PPIP5K1: variants seen among roughly 807,000 people sequenced by gnomAD.
PPIP5K1 encodes inositol hexakisphosphate and diphosphoinositol-pentakisphosphate kinase 1.
A neutral mutation model predicts 27.7 loss-of-function variants in PPIP5K1; 6 were observed. The observed-to-expected ratio is 0.22, with a 90% confidence interval of 0.12 to 0.43. The LOEUF (loss-of-function observed/expected upper bound fraction) is 0.43, where lower values mean the gene tolerates loss of function less well. Ranked by LOEUF, PPIP5K1 falls within the 20% of genes least tolerant of loss-of-function variation. The pLI, the probability that PPIP5K1 is intolerant of heterozygous loss-of-function variation, is 1.00. For missense variants in PPIP5K1, 394 were observed against 635.4 expected, an observed-to-expected ratio of 0.62 and a Z score of 4.08; for synonymous variants, 145 against 242.6, an observed-to-expected ratio of 0.60 and a Z score of 3.74.
At chr15:43,545,172 C>T (rs564966855) in intron 30 of PPIP5K1, among the ~76,000 whole-genome samples, 7 of 148,696 alleles carry the variant, frequency 4.7e-5, no homozygotes, top group Non-Finnish European at 7.4e-5. Context: ...AGCAAGAGTC[C>T]GTCTCATAAA....
chr15:43,545,979 T>A (rs142648810), intron 30 of PPIP5K1, among the ~76,000 whole-genome samples: 1 of 152,022 alleles, frequency 6.6e-6, no homozygotes, highest in African/African-American at 2.4e-5. Flanking sequence ...TTTATTCCTT[T>A]ACTTTCTTAA....
intron 30 of PPIP5K1, among the ~76,000 whole-genome samples, chr15:43,553,343 T>C (rs2082478103): frequency 2.6e-5 from 4 of 151,530 alleles, no homozygotes; most frequent in South Asian, 4.2e-4. Context: ...TCTTCTTCTT[T>C]TTTTTTTTTT....
At position 43,580,600 on chromosome 15, in the gene PPIP5K1, T is replaced by A. The variant is rs536382073; in HGVS notation, c.1061+402A>T. 1.6e-3 allele frequency among the ~76,000 whole-genome samples: 202 copies of A among 124,050 alleles called. 8 individuals carry two copies. Among genetic ancestry groups the A allele is most frequent in the Admixed American group, 3.6e-3 (47 of 12,880 alleles). 81.4% of individuals were successfully genotyped at this position (124,050 alleles called of 152,430 possible). ...TTTTAATTTAATTAATTAATTAATT[T>A]ATTTATTTATTGGGACGCAGTTTTG... On this transcript the variant is annotated intron_variant, in intron 10 of 31. Coordinates refer to ENST00000420765, the MANE Select transcript of PPIP5K1 (RefSeq NM_001394395.1).
At chr15:43,551,537 A>G (rs1242197433) in intron 30 of PPIP5K1, among the ~76,000 whole-genome samples, 1 of 148,668 alleles carries the variant, frequency 6.7e-6, no homozygotes, top group Admixed American at 6.7e-5. Flanking sequence ...AAAAACCCAC[A>G]ATAATAATAA....
chr15:43,560,375 A>C, intron 29 of PPIP5K1, 38 bp downstream of exon 29: 1 of 1,276,288 alleles, frequency 7.8e-7, no homozygotes, highest in Non-Finnish European at 1.0e-6. Context: ...AGACCCAGCC[A>C]GGGTAGTGGC....
intron 29 of PPIP5K1, among the ~76,000 whole-genome samples, chr15:43,559,518 C>A (rs1243169427): frequency 1.3e-5 from 2 of 152,164 alleles, no homozygotes; most frequent in Non-Finnish European, 2.9e-5. Flanking sequence ...CATGCATGAA[C>A]AGGATGGGGA....
intron 30 of PPIP5K1, among the ~76,000 whole-genome samples, chr15:43,540,341 A>G (rs1395360488): frequency 2.6e-5 from 4 of 152,076 alleles, no homozygotes. Context: ...AGGTGGGTGG[A>G]TCACTTGAGG....
chr15:43,579,666 T>TA (rs1265484855), intron 10 of PPIP5K1, among the ~76,000 whole-genome samples: 1 of 48,868 alleles, frequency 2.0e-5, no homozygotes, highest in South Asian at 7.9e-4. Flanking sequence ...TTTTTTTTTT[T>TA]TTTTTTTTTT....
chr15:43,537,344 CAAAAAAAAAAAAA>C (rs375557879), intron 31 of PPIP5K1: 3 of 83,498 alleles, frequency 3.6e-5, no homozygotes, highest in Admixed American at 1.9e-4. Flanking sequence ...GACTCCACCT[CAAAAAAAAAAAAA>C]AAAAAAAAAA....
intron 30 of PPIP5K1, among the ~76,000 whole-genome samples, chr15:43,557,718 G>A (rs984062976): frequency 2.0e-5 from 3 of 151,486 alleles, no homozygotes; most frequent in South Asian, 2.1e-4. Flanking sequence ...AGGCTGGAGC[G>A]CAGTGGCGTG....
chr15:43,537,844 G>C (rs1290829357), intron 31 of PPIP5K1, among the ~76,000 whole-genome samples: 2 of 150,092 alleles, frequency 1.3e-5, no homozygotes, highest in African/African-American at 4.9e-5. Flanking sequence ...CTGATACTGA[G>C]TCAAAAATCT....
chr15:43,550,518 T>C (rs1413973006), intron 30 of PPIP5K1, among the ~76,000 whole-genome samples: 1 of 152,190 alleles, frequency 6.6e-6, no homozygotes, highest in African/African-American at 2.4e-5. Context: ...TTATTGTTGT[T>C]TTCTTTTGAG....
intron 30 of PPIP5K1, among the ~76,000 whole-genome samples, chr15:43,555,616 C>T (rs1399488496): frequency 7.1e-6 from 1 of 140,732 alleles, no homozygotes; most frequent in Non-Finnish European, 1.5e-5. Context: ...TTATTATTAC[C>T]ATTTTTTAGA....
chr15:43,558,795 C>T lies in PPIP5K1; in HGVS notation c.3556G>A (p.Ala1186Thr), dbSNP rs767505562. Residue 1186 changes from alanine to threonine, a missense_variant and splice_region_variant, in exon 30 of 32, where the codon GCC (alanine) becomes ACC (threonine). Ala to Thr is a moderately conservative substitution (Grantham distance 58, BLOSUM62 0). Transcript: ENST00000420765. ...GGTAAAAAAATAAGAATATCCCTAC[C>T]TGCAGATGCCTGTGCCTGGGCATCA... ...HTDAQAQASAALFDSMHSSQA... is the reference protein window; with the variant it reads ...HTDAQAQASATLFDSMHSSQA... 2 of 1,613,852 alleles carry T rather than the reference C, an allele frequency of 1.2e-6. No individual in the cohort carries two copies. Among genetic ancestry groups the T allele is most frequent in the African/African-American group, 1.3e-5 (1 of 75,022 alleles).
At chr15:43,542,377 A>C (rs2080854809) in intron 30 of PPIP5K1, among the ~76,000 whole-genome samples, 1 of 151,482 alleles carries the variant, frequency 6.6e-6, no homozygotes, top group Non-Finnish European at 1.5e-5. Context: ...CTGCAGCCTC[A>C]AACTCCCAGG....
chr15:43,541,871 C>G (rs764310337), intron 30 of PPIP5K1, among the ~76,000 whole-genome samples: 3 of 152,118 alleles, frequency 2.0e-5, no homozygotes, highest in Non-Finnish European at 2.9e-5. Context: ...TTCCTATTAA[C>G]TGGAAATTGA....
Position 43,558,411 on chromosome 15 carries a change from A to G in PPIP5K1, c.3556+384T>C, listed in dbSNP as rs2083303499. On this transcript the variant is annotated intron_variant, in intron 30 of 31. Coordinates refer to ENST00000420765, the MANE Select transcript of PPIP5K1 (RefSeq NM_001394395.1). ...CCCAGCTAATTTTGGTATTTTTAGT[A>G]GAGGCAGGGTTTCACCATATTGGCC... is the stretch of plus-strand genomic sequence containing the variant. Among the ~76,000 whole-genome samples the G allele has an allele frequency of 2.6e-5, 4 of 152,084 alleles. No homozygotes were observed. In the South Asian group the frequency reaches 8.3e-4, roughly 31 times the overall value.
At chr15:43,540,882 G>C (rs1261112052) in intron 30 of PPIP5K1, among the ~76,000 whole-genome samples, 2 of 138,622 alleles carry the variant, frequency 1.4e-5, no homozygotes, top group African/African-American at 2.7e-5. Context: ...AAAAAAAAAA[G>C]AGAAGAGAAA....
At chr15:43,558,725 ACTTT>A (rs2083372985) in intron 30 of PPIP5K1, 66 bp downstream of exon 30, 2 of 1,582,080 alleles carry the variant, frequency 1.3e-6, no homozygotes, top group Admixed American at 3.4e-5. Flanking sequence ...CTAATTTACT[ACTTT>A]CTTATATTCT....
Sources: allele counts gnomAD v4.1 joint callset (sites outside exome capture counted in the v4.1 genomes callset), GRCh38; gene constraint gnomAD v4.1.1; transcripts MANE v1.5; gene names NCBI Gene and HGNC (gene_info 2026-07-23, HGNC 2026-07-21).